Variants in FLI1 observed in about 807,000 individuals in gnomAD.
FLI1 encodes the protein Friend leukemia integration 1 transcription factor.
Under a neutral mutation model 53.1 loss-of-function variants are expected in FLI1, and 13 were observed. The ratio of observed to expected loss-of-function variants is 0.24; its 90% CI spans 0.16 to 0.39. The LOEUF is 0.39. Among genes scored for constraint, FLI1 ranks in the 10% least tolerant of loss-of-function variants. The pLI is 1.00. For synonymous variants in FLI1, 244 were observed against 236.7 expected (o/e 1.03, Z -0.28); for missense variants, 424 against 600.5 (o/e 0.71, Z 3.07).
chr11:128,809,878 G>T (rs1942893365), intron 8 of FLI1, among the ~76,000 whole-genome samples: 1 of 151,984 alleles, frequency 6.6e-6, no homozygotes, highest in Non-Finnish European at 1.5e-5. Flanking sequence ...GCATATTCTG[G>T]GTATTTTTCT....
intron 1 of FLI1, among the ~76,000 whole-genome samples, chr11:128,707,082 G>C (rs895562249): frequency 1.3e-5 from 2 of 152,170 alleles, no homozygotes; most frequent in African/African-American, 4.8e-5. Flanking sequence ...GGTGTGCTCT[G>C]CTTTGTATAA....
chr11:128,774,807 C>G (rs1180398320), intron 4 of FLI1, among the ~76,000 whole-genome samples: 3 of 152,146 alleles, frequency 2.0e-5, no homozygotes, highest in African/African-American at 7.2e-5. Context: ...AGCCCAAGGT[C>G]CCCTAGTACT....
At chr11:128,715,049 G>A (rs763135095) in intron 1 of FLI1, among the ~76,000 whole-genome samples, 38 of 152,018 alleles carry the variant, frequency 2.5e-4, no homozygotes, top group Non-Finnish European at 5.4e-4. Context: ...CAGCCCCAAG[G>A]AATCCATCTA....
intron 1 of FLI1, among the ~76,000 whole-genome samples, chr11:128,722,180 C>A (rs1939282036): frequency 6.6e-6 from 1 of 152,192 alleles, no homozygotes; most frequent in Non-Finnish European, 1.5e-5. Flanking sequence ...CGTGACTTAA[C>A]CATATGACAT....
intron 3 of FLI1, among the ~76,000 whole-genome samples, chr11:128,770,765 G>C (rs1206761978): frequency 6.6e-6 from 1 of 152,228 alleles, no homozygotes; most frequent in Non-Finnish European, 1.5e-5. Flanking sequence ...ACTCTCCCGA[G>C]GATATGTTTC....
At chr11:128,752,830 C>T (rs1486297769) in intron 1 of FLI1, among the ~76,000 whole-genome samples, 1 of 152,154 alleles carries the variant, frequency 6.6e-6, no homozygotes, top group East Asian at 1.9e-4. Flanking sequence ...GTAACGACGA[C>T]AGAGGGTGTA....
chr11:128,792,108 C>T (rs943418052), intron 5 of FLI1, among the ~76,000 whole-genome samples: 1 of 152,224 alleles, frequency 6.6e-6, no homozygotes, highest in African/African-American at 2.4e-5. Context: ...TAAGTTGGCA[C>T]TATGATTATT....
intron 5 of FLI1, among the ~76,000 whole-genome samples, chr11:128,793,720 C>T (rs978949748): frequency 1.3e-5 from 2 of 152,202 alleles, no homozygotes; most frequent in South Asian, 2.1e-4. Context: ...TCAAGACCCT[C>T]ATAGGTGCCC....
chr11:128,805,333 G>A (rs747139052), intron 5 of FLI1, 33 bp from the exon 6 acceptor site: 25 of 1,356,132 alleles, frequency 1.8e-5, no homozygotes, highest in Non-Finnish European at 2.5e-5. Flanking sequence ...AGCAGGCGAT[G>A]CTAATGTACC....
chr11:128,694,139 G>A lies in FLI1; in HGVS notation c.-120G>A. On this transcript the variant is annotated 5_prime_UTR_variant, in exon 1 of 9. Coordinates refer to ENST00000527786, the MANE Select transcript of FLI1 (RefSeq NM_002017.5). Reference sequence around the variant, plus strand: ...AGGGCAGGGCGCTCGCAGGGGGCACGCAGGGAGGGCCCAGGGCGCCAGGGA... The same window carrying A: ...AGGGCAGGGCGCTCGCAGGGGGCACACAGGGAGGGCCCAGGGCGCCAGGGA... The A allele has an allele frequency of 9.1e-7, 1 of 1,095,386 alleles. No individual in the cohort carries two copies. The highest frequency in any genetic ancestry group is 1.8e-5 in the South Asian group (1 of 55,564). The allele number at this position is 1,095,386 out of a possible 1,614,324, so 67.9% of individuals were successfully genotyped here. A position where few individuals can be genotyped will look rare whatever the true frequency, so the allele number is the denominator to read the frequency against.
intron 5 of FLI1, among the ~76,000 whole-genome samples, chr11:128,782,987 G>A (rs1384464768): frequency 2.0e-5 from 3 of 152,156 alleles, no homozygotes; most frequent in Non-Finnish European, 4.4e-5. Context: ...AGAGAGACTG[G>A]AAAAAATATT....
chr11:128,799,745 T>G (rs535687701), intron 5 of FLI1, among the ~76,000 whole-genome samples: 1 of 152,324 alleles, frequency 6.6e-6, no homozygotes, highest in East Asian at 1.9e-4. Context: ...AAGCTGGTCC[T>G]GAGCTGTGGG....
intron 1 of FLI1, among the ~76,000 whole-genome samples, chr11:128,756,596 T>A (rs1171464575): frequency 6.6e-6 from 1 of 152,242 alleles, no homozygotes; most frequent in African/African-American, 2.4e-5. Context: ...ACCTAACATG[T>A]TCTGAGTGTG....
chr11:128,762,787 T>A (rs1941174504), intron 2 of FLI1, among the ~76,000 whole-genome samples: 1 of 152,094 alleles, frequency 6.6e-6, no homozygotes, highest in Non-Finnish European at 1.5e-5. Context: ...TGAAACCCTG[T>A]CTCTGCTGAA....
At chr11:128,782,388 G>A (rs139505454) in intron 5 of FLI1, among the ~76,000 whole-genome samples, 2 of 152,248 alleles carry the variant, frequency 1.3e-5, no homozygotes, top group African/African-American at 2.4e-5. Flanking sequence ...TACCTTTAAA[G>A]GTTTTTTTCC....
At chr11:128,794,465 GGA>G (rs139360912) in intron 5 of FLI1, among the ~76,000 whole-genome samples, 2 of 151,964 alleles carry the variant, frequency 1.3e-5, no homozygotes, top group South Asian at 2.1e-4. Flanking sequence ...TCATCTATCT[GGA>G]GAGAGAGAGA....
upstream of FLI1, chr11:128,693,877 G>T (rs1305256423): frequency 4.4e-6 from 1 of 225,380 alleles, no homozygotes; most frequent in Non-Finnish European, 7.9e-6. Flanking sequence ...AGGAAGAGGG[G>T]GTGTGGGGGG....
chr11:128,760,774 C>T (rs1432301841), intron 2 of FLI1, among the ~76,000 whole-genome samples: 1 of 152,122 alleles, frequency 6.6e-6, no homozygotes, highest in Non-Finnish European at 1.5e-5. Flanking sequence ...GATCCGCCTG[C>T]CTCGGCCTCC....
At chr11:128,743,395 AC>A (rs1940225046) in intron 1 of FLI1, among the ~76,000 whole-genome samples, 1 of 147,978 alleles carries the variant, frequency 6.8e-6, no homozygotes, top group Non-Finnish European at 1.5e-5. Flanking sequence ...ACATGGCAAG[AC>A]CATGTCTCTA....
Sources: gnomAD v4.1 joint callset for allele counts (sites outside exome capture counted in the v4.1 genomes callset) on GRCh38, gnomAD v4.1.1 for gene constraint, MANE v1.5 for transcripts, NCBI Gene and HGNC (gene_info 2026-07-23, HGNC 2026-07-21) for gene names.